The following MIER2 variants were observed in gnomAD, a reference collection of about 807,000 sequenced individuals.
MIER2 encodes MIER family member 2, also known as mesoderm induction early response protein 2.
In MIER2, 30 loss-of-function variants were observed where a neutral mutation model predicts 67.6. That is an observed-to-expected ratio of 0.44 (90% CI 0.33 to 0.60). MIER2 has a LOEUF of 0.60. Among genes scored for constraint, MIER2 ranks in the 20% least tolerant of loss-of-function variants. MIER2 has a pLI of 0.02. For synonymous variants in MIER2, 372 were observed against 312.6 expected, an observed-to-expected ratio of 1.19 and a Z score of -2.00; for missense variants, 702 against 745.1, an observed-to-expected ratio of 0.94 and a Z score of 0.67.
At chr19:336,529 C>T (rs1031503782) in intron 1 of MIER2, among the ~76,000 whole-genome samples, 16 of 152,194 alleles carry the variant, frequency 1.1e-4, no homozygotes, top group Admixed American at 7.2e-4. Context: ...CAGACACCAA[C>T]GGCCACAGCG....
chr19:342,363 C>T (rs568437451), intron 1 of MIER2, among the ~76,000 whole-genome samples: 2 of 151,978 alleles, frequency 1.3e-5, no homozygotes, highest in Admixed American at 6.6e-5. Flanking sequence ...TCTGCAACTG[C>T]GGGTCAGGGA....
At position 313,479 on chromosome 19, in the gene MIER2, T is replaced by G; in HGVS notation, c.807+13A>C. 6.2e-7 allele frequency: 1 copy of G among 1,608,792 alleles called. No individual in the cohort carries two copies. Among genetic ancestry groups the G allele is most frequent in the Non-Finnish European group, 8.5e-7 (1 of 1,179,288 alleles). ...GCCCTCAGCCCCTCTGTCCCCGGCA[T>G]GGCAGCCCCCACCTGCTCACTGTCT... On this transcript the variant is annotated intron_variant, in intron 8 of 13. Coordinates refer to ENST00000264819, the MANE Select transcript of MIER2 (RefSeq NM_017550.3).
chr19:312,271 G>A lies in MIER2; in HGVS notation c.809C>T (p.Ala270Val), dbSNP rs187149127. 102 of 1,613,734 alleles carry A rather than the reference G, an allele frequency of 6.3e-5. No individual in the cohort carries two copies. In the Admixed American group the frequency reaches 1.3e-3, roughly 20 times the overall value. The change falls in exon 9 of 14, where the codon GCG becomes GTG. Residue 270 changes from alanine (A) to valine (V), a missense_variant and splice_region_variant. Around this residue, in one of 3 missense-constraint regions of MIER2, gnomAD observed 128 missense variants for 189.7 expected, o/e 0.67. Transcript: ENST00000264819. ...GTTGCATTTCACCAACTCGTACAGCGCCTGGGGAGAGGACATGTTGGCTCT... is the reference window on the plus strand; with the variant it reads ...GTTGCATTTCACCAACTCGTACAGCACCTGGGGAGAGGACATGTTGGCTCT... ...EGEAVKDSEQ[A>V]LYELVKCNFN... is the part of the protein sequence containing the mutation.
intron 7 of MIER2, 53 bp from the exon 8 acceptor site, chr19:313,696 A>C: frequency 6.4e-7 from 1 of 1,572,144 alleles, no homozygotes; most frequent in Admixed American, 1.8e-5. Context: ...CTGCACCCAC[A>C]CACGCCAGGA....
chr19:336,864 A>G (rs1175344081), intron 1 of MIER2, among the ~76,000 whole-genome samples: 1 of 151,798 alleles, frequency 6.6e-6, no homozygotes, highest in African/African-American at 2.4e-5. Flanking sequence ...TTTTTTTGAG[A>G]CAGAGCCTTG....
rs10409329 is a variant in MIER2 at position 337,912 on chromosome 19, G to A, written c.10-1739C>T. 5.8e-4 allele frequency among the ~76,000 whole-genome samples: 79 copies of A among 135,998 alleles called. No individual in the cohort carries two copies. In the East Asian group the frequency reaches 0.016, roughly 27 times the overall value. The allele number at this position is 135,998 out of a possible 152,430, so 89.2% of individuals were successfully genotyped here. ...AAAAAGGCTGGGCGCAGTGGCTCAC[G>A]CCTGTAATCCCAGCACTTTGGGAGG... is the stretch of plus-strand genomic sequence containing the variant. On this transcript the variant is annotated intron_variant, in intron 1 of 13. Transcript: ENST00000264819.
At chr19:307,088 G>A (rs1402131018) in intron 13 of MIER2, 31 bp downstream of exon 13, 1 of 1,550,224 alleles carries the variant, frequency 6.5e-7, no homozygotes, top group Non-Finnish European at 8.7e-7. Context: ...TTGGAGTGTT[G>A]CGGAGGCTCC....
At chr19:316,753 G>T (rs1240500487) in intron 7 of MIER2, among the ~76,000 whole-genome samples, 2 of 152,138 alleles carry the variant, frequency 1.3e-5, no homozygotes, top group Non-Finnish European at 2.9e-5. Flanking sequence ...GAGGTCACTG[G>T]AGGTCAGGAG....
chr19:308,491 C>A lies in MIER2; in HGVS notation c.1198+86G>T, dbSNP rs981337835. The A allele has an allele frequency of 1.2e-4, 166 of 1,411,460 alleles. No homozygotes were observed. Among genetic ancestry groups the A allele is most frequent in the Non-Finnish European group, 1.5e-4 (159 of 1,045,732 alleles). 87.4% of individuals were successfully genotyped at this position (1,411,460 alleles called of 1,614,324 possible). On this transcript the variant is annotated intron_variant, in intron 12 of 13. Transcript: ENST00000264819. The surrounding 1 kb of genome is among the most constrained non-coding windows in gnomAD (Gnocchi z 9.1). ...GGCGAGGCTGGCCCAGCACAGGGCGCCAGGCAGGAGAGGCTCCACCGGGCC... is the reference window on the plus strand; with the variant it reads ...GGCGAGGCTGGCCCAGCACAGGGCGACAGGCAGGAGAGGCTCCACCGGGCC...
In MIER2 at chr19:308,078, G is replaced by A. The variant is rs1970745202; in HGVS notation, c.1198+499C>T. Among the ~76,000 whole-genome samples the A allele has an allele frequency of 6.6e-6, 1 of 152,152 alleles. No individual in the cohort carries two copies. Among genetic ancestry groups the A allele is most frequent in the South Asian group, 2.1e-4 (1 of 4,822 alleles). On this transcript the variant is annotated intron_variant, in intron 12 of 13. Transcript: ENST00000264819. This position sits in a 1 kb window ranked among gnomAD's most constrained non-coding sequence, Gnocchi z 9.1. Reference sequence around the variant, plus strand: ...CAGAGCCAGAAAGCAAAGGATCCTCGTTTGCACCCTCCCCGTGTGGGTCTC... The same window carrying A: ...CAGAGCCAGAAAGCAAAGGATCCTCATTTGCACCCTCCCCGTGTGGGTCTC...
Position 305,766 on chromosome 19 carries a change from A to G in MIER2, c.*924T>C, listed in dbSNP as rs1970621843. 1 of 152,444 alleles carries G rather than the reference A, an allele frequency of 6.6e-6. No individual in the cohort carries two copies. The highest frequency in any genetic ancestry group is 2.4e-5 in the African/African-American group (1 of 41,406). 9.4% of individuals were successfully genotyped at this position (152,444 alleles called of 1,614,324 possible). The stretch of plus-strand genomic sequence containing the variant: ...CGGAGGACCCCACTCCAACGTGTAA[A>G]CAGAAACAGAAACGAACGAGAGGGC... On this transcript the variant is annotated 3_prime_UTR_variant, in exon 14 of 14. Transcript: ENST00000264819.
chr19:326,481 G>A (rs4897949), intron 6 of MIER2, 26 bp downstream of exon 6: 369,099 of 1,597,130 alleles, frequency 0.23, 46,192 homozygotes, highest in East Asian at 0.44. Flanking sequence ...GGGATGCCAG[G>A]TTGGGGAGAT....
chr19:315,049 C>G (rs924853039), intron 7 of MIER2, among the ~76,000 whole-genome samples: 8 of 149,538 alleles, frequency 5.3e-5, no homozygotes, highest in Non-Finnish European at 1.2e-4. Context: ...GGAAACAGAG[C>G]AAGACCCTGT....
intron 1 of MIER2, among the ~76,000 whole-genome samples, chr19:340,324 A>C (rs151302967): frequency 1.3e-3 from 199 of 152,290 alleles, no homozygotes; most frequent in African/African-American, 4.6e-3. Context: ...CACAGGTGAA[A>C]ACCCATGCAT....
chr19:334,747 AT>A (rs1972165309), intron 2 of MIER2, among the ~76,000 whole-genome samples: 1 of 152,020 alleles, frequency 6.6e-6, no homozygotes, highest in Non-Finnish European at 1.5e-5. Context: ...AATTCCAAGG[AT>A]TTTTTTGGGG....
rs1970659683 is a variant in MIER2, at chr19:306,591, G to A, written c.*99C>T. ...AAGCAGAAGGAGGTGCTACCCCAAG[G>A]CCCGGGGGGTGGGGAAGGGGTCAGG... On this transcript the variant is annotated 3_prime_UTR_variant, in exon 14 of 14. Transcript: ENST00000264819. 1 of 1,483,954 alleles carries A rather than the reference G, an allele frequency of 6.7e-7. No homozygotes were observed. Among genetic ancestry groups the A allele is most frequent in the Admixed American group, 2.0e-5 (1 of 50,654 alleles). 91.9% of individuals were successfully genotyped at this position (1,483,954 alleles called of 1,614,324 possible).
In MIER2 at chr19:305,823, T is replaced by A. The variant is rs1033585823; in HGVS notation, c.*867A>T. The A allele has an allele frequency of 6.6e-6, 1 of 152,462 alleles. No homozygotes were observed. The highest frequency in any genetic ancestry group is 1.5e-5 in the Non-Finnish European group (1 of 68,084). The allele number at this position is 152,462 out of a possible 1,614,324, so 9.4% of individuals were successfully genotyped here. On this transcript the variant is annotated 3_prime_UTR_variant, in exon 14 of 14. Coordinates refer to ENST00000264819, the MANE Select transcript of MIER2 (RefSeq NM_017550.3). ...GGAGGGGGACCAGGACTCCAAGCCA[T>A]CTTGCTAGGAAGCTTCCCACAGAAG...
chr19:313,463 C>T, intron 8 of MIER2, 29 bp downstream of exon 8: 1 of 1,603,120 alleles, frequency 6.2e-7, no homozygotes. Flanking sequence ...AGCCCTCAGC[C>T]CCTCTGTCCC....
chr19:326,742 C>T (rs1196551441), intron 5 of MIER2, 144 bp from the exon 6 acceptor site: 4 of 658,644 alleles, frequency 6.1e-6, no homozygotes, highest in Non-Finnish European at 8.0e-6. Flanking sequence ...CAGATGGGCA[C>T]AGGACCCAGG....
Sources: allele counts gnomAD v4.1 joint callset (sites outside exome capture counted in the v4.1 genomes callset), GRCh38; gene constraint gnomAD v4.1.1; regional missense constraint gnomAD v4.1.1; non-coding constraint Gnocchi (gnomAD v3.1); transcripts MANE v1.5; gene names NCBI Gene and HGNC (gene_info 2026-07-23, HGNC 2026-07-21).